SLC44A1: variants seen among roughly 807,000 people sequenced by gnomAD.
SLC44A1 encodes solute carrier family 44 member 1.
In SLC44A1, 26 loss-of-function variants were observed where a neutral mutation model predicts 79.3. The ratio of observed to expected loss-of-function variants is 0.33; its 90% confidence interval spans 0.24 to 0.46. The LOEUF is 0.46. SLC44A1 is among the 20% of genes least tolerant of loss of function. The pLI is 1.00. For synonymous variants in SLC44A1, 263 were observed against 286.2 expected, an observed-to-expected ratio of 0.92 and a Z score of 0.82; for missense variants, 688 against 798.1, an observed-to-expected ratio of 0.86 and a Z score of 1.66.
intron 13 of SLC44A1, among the ~76,000 whole-genome samples, chr9:105,381,268 G>A (rs1217097727): frequency 9.2e-5 from 14 of 152,036 alleles, no homozygotes; most frequent in South Asian, 8.3e-4. Flanking sequence ...GACCAGGCGC[G>A]GTGGCTCACA....
intron 1 of SLC44A1, among the ~76,000 whole-genome samples, chr9:105,294,286 G>A (rs1830667986): frequency 6.6e-6 from 1 of 152,150 alleles, no homozygotes; most frequent in African/African-American, 2.4e-5. Flanking sequence ...ATCTTCTTTT[G>A]TACCTCCAAG....
chr9:105,351,634 G>GAAAGAAAGAA (rs1391578934), intron 5 of SLC44A1, among the ~76,000 whole-genome samples: 1 of 133,180 alleles, frequency 7.5e-6, no homozygotes, highest in Non-Finnish European at 1.6e-5. Context: ...GAGAGAAAGA[G>GAAAGAAAGAA]AAAGAAAGAA....
intron 15 of SLC44A1, among the ~76,000 whole-genome samples, chr9:105,427,015 A>G (rs1433388513): frequency 1.3e-5 from 2 of 151,340 alleles, no homozygotes; most frequent in Non-Finnish European, 2.9e-5. Context: ...GGCTCCCTCC[A>G]ACCTCCGCCT....
chr9:105,379,163 C>A (rs1328842368), intron 13 of SLC44A1, among the ~76,000 whole-genome samples: 1 of 152,176 alleles, frequency 6.6e-6, no homozygotes, highest in Non-Finnish European at 1.5e-5. Flanking sequence ...GTATTCCCAG[C>A]TACTCGGGAG....
intron 1 of SLC44A1, among the ~76,000 whole-genome samples, chr9:105,267,030 A>G (rs1034401367): frequency 1.3e-5 from 2 of 151,404 alleles, no homozygotes; most frequent in African/African-American, 2.4e-5. Flanking sequence ...TTCTTGGTTT[A>G]TTCCCTTGAT....
chr9:105,244,920 C>G lies in SLC44A1; in HGVS notation c.36+16C>G. 8.5e-7 allele frequency: 1 copy of G among 1,178,658 alleles called. No homozygotes were observed. The highest frequency in any genetic ancestry group is 3.7e-5 in the East Asian group (1 of 26,906). 73.0% of individuals were successfully genotyped at this position (1,178,658 alleles called of 1,614,324 possible). A position where few individuals can be genotyped will look rare whatever the true frequency, so the allele number is the denominator to read the frequency against. On this transcript the variant is annotated intron_variant, in intron 1 of 15. Transcript: ENST00000374720. ...CGCCGCGCAGGTGAGGGGCTCCCGC[C>G]TCCCGGCCGCCCGCCCGGATGCCTC...
rs1426942496 is a variant in SLC44A1 at position 105,393,001 on chromosome 9, G to A, written c.*3945G>A. 4.1e-6 allele frequency: 4 copies of A among 984,454 alleles called. No individual in the cohort carries two copies. In the African/African-American group the frequency reaches 5.2e-5, roughly 13 times the overall value. The allele number at this position is 984,454 out of a possible 1,614,324, so 61.0% of individuals were successfully genotyped here. A position where few individuals can be genotyped will look rare whatever the true frequency, so the allele number is the denominator to read the frequency against. ...CAAATAAAACTCTCAGAGTCTGGAG[G>A]CTTATCAGTGCACCTGCCACAGTTA... On this transcript the variant is annotated 3_prime_UTR_variant, in exon 16 of 16. Coordinates refer to ENST00000374720, the MANE Select transcript of SLC44A1 (RefSeq NM_080546.5).
chr9:105,419,651 A>T (rs1829217770), intron 15 of SLC44A1, among the ~76,000 whole-genome samples: 1 of 152,194 alleles, frequency 6.6e-6, no homozygotes. Context: ...GCGGTGGCCC[A>T]CGCCTGTAAT....
At chr9:105,258,623 T>C (rs747146536) in intron 1 of SLC44A1, among the ~76,000 whole-genome samples, 3 of 152,214 alleles carry the variant, frequency 2.0e-5, no homozygotes, top group Non-Finnish European at 4.4e-5. Flanking sequence ...GTAGATTGAA[T>C]GTACCTTAGA....
At chr9:105,328,642 A>G (rs1254621641) in intron 3 of SLC44A1, among the ~76,000 whole-genome samples, 1 of 152,200 alleles carries the variant, frequency 6.6e-6, no homozygotes. Flanking sequence ...AGTGCTGTGA[A>G]TTACCAGAAA....
At chr9:105,324,545 G>C (rs976639901) in intron 3 of SLC44A1, among the ~76,000 whole-genome samples, 1 of 152,038 alleles carries the variant, frequency 6.6e-6, no homozygotes, top group African/African-American at 2.4e-5. Flanking sequence ...GAGCCACCAC[G>C]CCTGGCCTCC....
rs185782387 is a variant in SLC44A1, at chr9:105,414,897, T to G, written c.1951-23384T>G. Among the ~76,000 whole-genome samples the G allele has an allele frequency of 6.6e-5, 10 of 152,348 alleles. No individual in the cohort carries two copies. In the East Asian group the frequency reaches 1.5e-3, roughly 24 times the overall value. On this transcript the variant is annotated intron_variant, in intron 15 of 15. Coordinates refer to the SLC44A1 transcript ENST00000374724. ...CCATAAACTAACCATTAGGGATCTGTTTATTGGCAGAGTTTCTGTAAATAT... is the reference window on the plus strand; with the variant it reads ...CCATAAACTAACCATTAGGGATCTGGTTATTGGCAGAGTTTCTGTAAATAT...
At chr9:105,265,989 ACT>A (rs1211896600) in intron 1 of SLC44A1, among the ~76,000 whole-genome samples, 10 of 151,706 alleles carry the variant, frequency 6.6e-5, no homozygotes, top group African/African-American at 2.2e-4. Context: ...ACATGGTCTA[ACT>A]CTGTCACCCA....
chr9:105,264,363 CATT>C (rs1829911565), intron 1 of SLC44A1, among the ~76,000 whole-genome samples: 1 of 152,122 alleles, frequency 6.6e-6, no homozygotes, highest in African/African-American at 2.4e-5. Context: ...GATGAGTTCT[CATT>C]ATGTTTCCCA....
At chr9:105,326,081 T>C (rs1340361537) in intron 3 of SLC44A1, among the ~76,000 whole-genome samples, 1 of 152,210 alleles carries the variant, frequency 6.6e-6, no homozygotes, top group Non-Finnish European at 1.5e-5. Flanking sequence ...ATGTTCTTTT[T>C]TAAGAGACCA....
intron 5 of SLC44A1, among the ~76,000 whole-genome samples, chr9:105,351,308 T>C (rs1437452267): frequency 6.6e-6 from 1 of 151,996 alleles, no homozygotes; most frequent in Non-Finnish European, 1.5e-5. Context: ...CCAAGGCAGG[T>C]GGATTGCTCG....
At chr9:105,412,054 G>T (rs1012359878) in intron 15 of SLC44A1, among the ~76,000 whole-genome samples, 1 of 152,016 alleles carries the variant, frequency 6.6e-6, no homozygotes, top group African/African-American at 2.4e-5. Flanking sequence ...TTCATATAAT[G>T]ATGATTTTCT....
chr9:105,420,805 G>T (rs1829237950), intron 15 of SLC44A1, among the ~76,000 whole-genome samples: 1 of 141,634 alleles, frequency 7.1e-6, no homozygotes, highest in South Asian at 2.3e-4. Flanking sequence ...AGGTTGCAGT[G>T]AGCTGAGATC....
chr9:105,437,974 A>G (rs1829485533), intron 15 of SLC44A1, among the ~76,000 whole-genome samples: 1 of 152,250 alleles, frequency 6.6e-6, no homozygotes, highest in African/African-American at 2.4e-5. Flanking sequence ...AGTACTTTGT[A>G]TTTACCAATG....
Sources: allele counts gnomAD v4.1 joint callset (sites outside exome capture counted in the v4.1 genomes callset), GRCh38; gene constraint gnomAD v4.1.1; transcripts MANE v1.5; gene names NCBI Gene and HGNC (gene_info 2026-07-23, HGNC 2026-07-21).